Variants in KLF13 observed in about 807,000 individuals in gnomAD.
KLF13 encodes Krueppel-like factor 13.
KLF13 carries 8 observed loss-of-function variants against 16.7 expected under a neutral mutation model. The observed-to-expected ratio is 0.48, with a 90% confidence interval of 0.28 to 0.87. KLF13 has a LOEUF of 0.87. KLF13 is among the 40% of genes least tolerant of loss of function. KLF13 has a pLI of 0.10. For missense variants in KLF13, 447 were observed against 452.2 expected (o/e 0.99, Z 0.10); for synonymous variants, 245 against 208.4 (o/e 1.18, Z -1.51).
At chr15:31,329,033 C>G (rs1212867438) in intron 1 of KLF13, among the ~76,000 whole-genome samples, 1 of 151,968 alleles carries the variant, frequency 6.6e-6, no homozygotes, top group African/African-American at 2.4e-5. Flanking sequence ...TTTTTTTTAC[C>G]ATTTGGAACT....
chr15:31,327,270 A>G lies in KLF13; in HGVS notation c.58A>G (p.Ser20Gly). The change falls in exon 1 of 2, where the codon AGC becomes GGC. Residue 20 changes from serine to glycine, a missense_variant. Ser to Gly is a moderately conservative substitution (Grantham distance 56). Around this residue, in one of 2 missense-constraint regions of KLF13, gnomAD observed 359 missense variants for 282.8 expected, o/e 1.27. Transcript: ENST00000307145. Reference sequence around the variant, plus strand: ...CGCCGAGTGCCTCGTGTCCATGTCGAGCCGCGCGGTCGTGCACGGGCCGCG... The same window carrying G: ...CGCCGAGTGCCTCGTGTCCATGTCGGGCCGCGCGGTCGTGCACGGGCCGCG... Reference protein sequence around the residue: ...FAAECLVSMSSRAVVHGPREG... With the variant: ...FAAECLVSMSGRAVVHGPREG... 1 of 1,371,050 alleles carries G rather than the reference A, an allele frequency of 7.3e-7. No individual in the cohort carries two copies. The highest frequency in any genetic ancestry group is 1.5e-5 in the South Asian group (1 of 65,422). 84.9% of individuals were successfully genotyped at this position (1,371,050 alleles called of 1,614,324 possible).
At chr15:31,399,640 T>A (rs2040006130) in intron 2 of KLF13, among the ~76,000 whole-genome samples, 1 of 152,160 alleles carries the variant, frequency 6.6e-6, no homozygotes, top group South Asian at 2.1e-4. Flanking sequence ...TGCACTAACC[T>A]CCGCCTCGTG....
At chr15:31,355,855 C>T (rs1241309198) in intron 1 of KLF13, among the ~76,000 whole-genome samples, 2 of 151,866 alleles carry the variant, frequency 1.3e-5, no homozygotes, top group African/African-American at 4.8e-5. Context: ...CCCCACACAC[C>T]CAGTGTGGCC....
chr15:31,336,051 C>T (rs183868435), intron 1 of KLF13, among the ~76,000 whole-genome samples: 3 of 152,298 alleles, frequency 2.0e-5, no homozygotes, highest in East Asian at 3.9e-4. Flanking sequence ...GAGAGGATGA[C>T]GTGGGCTCAG....
chr15:31,332,250 G>A (rs989465778), intron 1 of KLF13, among the ~76,000 whole-genome samples: 3 of 152,190 alleles, frequency 2.0e-5, no homozygotes, highest in Admixed American at 6.5e-5. Flanking sequence ...GTTAGTCCCC[G>A]CTCTGAGGGA....
intron 2 of KLF13, among the ~76,000 whole-genome samples, chr15:31,402,642 A>C (rs1179177434): frequency 1.3e-5 from 2 of 152,130 alleles, no homozygotes; most frequent in African/African-American, 4.8e-5. Flanking sequence ...GGAGCGGAGG[A>C]GCTGTCTCCA....
intron 1 of KLF13, among the ~76,000 whole-genome samples, chr15:31,432,918 C>A (rs1162970829): frequency 6.6e-6 from 1 of 152,130 alleles, no homozygotes; most frequent in East Asian, 1.9e-4. Flanking sequence ...AGTTCAAGAC[C>A]AGCCTGGCCA....
At chr15:31,334,727 C>G (rs1330000229) in intron 1 of KLF13, among the ~76,000 whole-genome samples, 1 of 152,192 alleles carries the variant, frequency 6.6e-6, no homozygotes, top group Non-Finnish European at 1.5e-5. Context: ...CACACCCGAC[C>G]TTTTCTTTCC....
At chr15:31,334,573 GC>G (rs2038894627) in intron 1 of KLF13, among the ~76,000 whole-genome samples, 1 of 151,902 alleles carries the variant, frequency 6.6e-6, no homozygotes. Flanking sequence ...GATTACAGGC[GC>G]CTGCCACCGT....
chr15:31,358,508 T>C (rs1380536315), intron 1 of KLF13, among the ~76,000 whole-genome samples: 4 of 152,386 alleles, frequency 2.6e-5, no homozygotes, highest in African/African-American at 9.6e-5. Context: ...CAAATGACAC[T>C]GAACACCTTT....
Position 31,372,480 on chromosome 15 carries a change from C to T in KLF13, c.*181C>T. The T allele has an allele frequency of 1.5e-6, 1 of 680,576 alleles. No homozygotes were observed. Among genetic ancestry groups the T allele is most frequent in the Non-Finnish European group, 2.3e-6 (1 of 433,700 alleles). The allele number at this position is 680,576 out of a possible 1,614,324, so 42.2% of individuals were successfully genotyped here. On this transcript the variant is annotated 3_prime_UTR_variant, in exon 2 of 2. Transcript: ENST00000307145. ...AAAAACACAAAAATTTCAAAAAACACCACCCACCAAATTGCACAATAGATA... is the reference window on the plus strand; with the variant it reads ...AAAAACACAAAAATTTCAAAAAACATCACCCACCAAATTGCACAATAGATA...
intron 1 of KLF13, among the ~76,000 whole-genome samples, chr15:31,428,190 G>A (rs4346167): frequency 0.57 from 86,766 of 152,006 alleles, 25,358 homozygotes; most frequent in South Asian, 0.68. Context: ...TAGAATGGTG[G>A]TTGCCAGGAC....
rs553805096 is a variant in KLF13, at chr15:31,412,202, C to T, written n.117+18511C>T. ...CATGTGAGAACACAGCTAGAAGCTG[C>T]CATCTTTGAAAAAAAGGAGCTTTTG... On this transcript the variant is annotated intron_variant and non_coding_transcript_variant, in intron 1 of 1. Transcript: ENST00000558225. 2.6e-5 allele frequency among the ~76,000 whole-genome samples: 4 copies of T among 152,218 alleles called. No individual in the cohort carries two copies. In the South Asian group the frequency reaches 6.2e-4, roughly 24 times the overall value.
chr15:31,393,706 G>C (rs1209781199), intron 2 of KLF13: 1 of 152,364 alleles, frequency 6.6e-6, no homozygotes, highest in Non-Finnish European at 1.5e-5. Flanking sequence ...GGTGGGTGAT[G>C]ATGAGAGTTC....
chr15:31,385,596 G>GT (rs1271384469), intron 1 of KLF13, among the ~76,000 whole-genome samples: 1 of 152,188 alleles, frequency 6.6e-6, no homozygotes, highest in Non-Finnish European at 1.5e-5. Context: ...TCTGTGATCA[G>GT]TGATCTTTGA....
At chr15:31,357,163 T>A (rs1233403832) in intron 1 of KLF13, among the ~76,000 whole-genome samples, 6 of 152,248 alleles carry the variant, frequency 3.9e-5, no homozygotes, top group Non-Finnish European at 7.3e-5. Context: ...GACTCAGGTT[T>A]CTAAGCCTTT....
At position 31,373,920 on chromosome 15, in the gene KLF13, G is replaced by A. The variant is rs2039601462; in HGVS notation, c.*1621G>A. On this transcript the variant is annotated 3_prime_UTR_variant, in exon 2 of 2. Coordinates refer to ENST00000307145, the MANE Select transcript of KLF13 (RefSeq NM_015995.4). ...GGTGGGGGGATTGGGGTGGACTCAG[G>A]GTATCTTGCCAGAGATACCTGTTTT... The A allele has an allele frequency of 6.6e-6, 1 of 152,446 alleles. No homozygotes were observed. The highest frequency in any genetic ancestry group is 1.5e-5 in the Non-Finnish European group (1 of 68,114). 9.4% of individuals were successfully genotyped at this position (152,446 alleles called of 1,614,324 possible).
chr15:31,402,519 C>CA (rs1413057834), intron 2 of KLF13, among the ~76,000 whole-genome samples: 2 of 152,252 alleles, frequency 1.3e-5, no homozygotes, highest in African/African-American at 4.8e-5. Context: ...AGAAGACACT[C>CA]AGGAAGTCCA....
chr15:31,404,895 G>A (rs139953181), downstream of KLF13, among the ~76,000 whole-genome samples: 1 of 152,324 alleles, frequency 6.6e-6, no homozygotes, highest in African/African-American at 2.4e-5. Context: ...GGAGCCTAGG[G>A]TCTTCACTCA....
Sources: allele counts gnomAD v4.1 joint callset (sites outside exome capture counted in the v4.1 genomes callset), GRCh38; gene constraint gnomAD v4.1.1; regional missense constraint gnomAD v4.1.1; transcripts MANE v1.5; gene names NCBI Gene and HGNC (gene_info 2026-07-23, HGNC 2026-07-21).